The following ACSL1 variants were observed in gnomAD, a reference collection of about 807,000 sequenced individuals.
ACSL1 encodes long-chain-fatty-acid--CoA ligase 1.
A neutral mutation model predicts 98.4 loss-of-function variants in ACSL1; 41 were observed. That is an observed-to-expected ratio of 0.42 (90% CI 0.32 to 0.54). The LOEUF (loss-of-function observed/expected upper bound fraction) is 0.54. ACSL1 is among the 20% of genes least tolerant of loss of function. ACSL1 has a pLI of 0.13. For synonymous variants in ACSL1, 316 were observed against 322.7 expected (o/e 0.98, Z 0.22); for missense variants, 734 against 883.1 (o/e 0.83, Z 2.14).
intron 3 of ACSL1, among the ~76,000 whole-genome samples, chr4:184,786,090 C>T (rs923433494): frequency 3.3e-5 from 5 of 152,168 alleles, no homozygotes; most frequent in African/African-American, 4.8e-5. Context: ...TCCCACCTGA[C>T]ATCCTGAGCT....
intron 18 of ACSL1, chr4:184,758,548 ATCTT>A (rs1281972094): frequency 6.6e-6 from 1 of 152,228 alleles, no homozygotes. Flanking sequence ...GTGAGACCCT[ATCTT>A]TAAGAAAATA....
rs1468009801 is a variant in ACSL1 at position 184,765,884 on chromosome 4, A to G, written c.1359+7T>C. On this transcript the variant is annotated splice_region_variant and intron_variant, in intron 14 of 20. Transcript: ENST00000281455. Reference sequence around the variant, plus strand: ...GGGAGAATCAGGCGCCGTGACATCCACCTCACCTGACAGCCCAGGGCTGCT... The same window carrying G: ...GGGAGAATCAGGCGCCGTGACATCCGCCTCACCTGACAGCCCAGGGCTGCT... 1 of 1,611,670 alleles carries G rather than the reference A, an allele frequency of 6.2e-7. No individual in the cohort carries two copies. The highest frequency in any genetic ancestry group is 1.1e-5 in the South Asian group (1 of 90,914).
At chr4:184,772,627 G>A (rs1264467275) in intron 10 of ACSL1, among the ~76,000 whole-genome samples, 2 of 152,190 alleles carry the variant, frequency 1.3e-5, no homozygotes, top group African/African-American at 2.4e-5. Flanking sequence ...TAGCTGAAGT[G>A]CAAGGCTTTA....
Position 184,762,396 on chromosome 4 carries a change from C to T in ACSL1, c.1638+11G>A, listed in dbSNP as rs772454597. 54 of 1,603,512 alleles carry T rather than the reference C, an allele frequency of 3.4e-5. 1 individual carries two copies. In the South Asian group the frequency reaches 4.5e-4, roughly 13 times the overall value. ...CTGAACTGTTTGTGACCTGAGGAGG[C>T]GGCAACTTACTGGTAACCATTTTCC... is the stretch of plus-strand genomic sequence containing the variant. On this transcript the variant is annotated intron_variant, in intron 17 of 20. Coordinates refer to ENST00000281455, the MANE Select transcript of ACSL1 (RefSeq NM_001995.5).
rs1579821409 is a variant in ACSL1, at chr4:184,757,562, TA to T, written c.1956+72del. ...CTTTAGGTCACCCCATATGTTTATA[TA>T]ATCTACCTGTAAAAAAATCTTAATG... On this transcript the variant is annotated intron_variant, in intron 20 of 20. Coordinates refer to ENST00000281455, the MANE Select transcript of ACSL1 (RefSeq NM_001995.5). The surrounding 1 kb of genome is among the most constrained non-coding windows in gnomAD (Gnocchi z 4.5). The T allele has an allele frequency of 3.9e-5, 55 of 1,407,322 alleles. No homozygotes were observed. In the East Asian group the frequency reaches 1.3e-3, roughly 32 times the overall value. 87.2% of individuals were successfully genotyped at this position (1,407,322 alleles called of 1,614,324 possible). A position where few individuals can be genotyped will look rare whatever the true frequency, so the allele number is the denominator to read the frequency against.
At chr4:184,808,205 G>T in intron 1 of ACSL1, 1 of 672,206 alleles carries the variant, frequency 1.5e-6, no homozygotes, top group Non-Finnish European at 1.8e-6. Flanking sequence ...GACTCACAAG[G>T]ACATCATTCT....
chr4:184,804,994 T>C (rs533357501), intron 1 of ACSL1, among the ~76,000 whole-genome samples: 55 of 152,208 alleles, frequency 3.6e-4, no homozygotes, highest in African/African-American at 1.2e-3. Context: ...GAGAAAATTT[T>C]TGCAATCTGT....
chr4:184,817,122 T>A (rs578000193), intron 1 of ACSL1, among the ~76,000 whole-genome samples: 8 of 152,246 alleles, frequency 5.3e-5, no homozygotes, highest in Non-Finnish European at 7.4e-5. Flanking sequence ...CTGACTCTCC[T>A]TAAGTCACAG....
chr4:184,758,197 T>C, intron 18 of ACSL1: 1 of 369,592 alleles, frequency 2.7e-6, no homozygotes, highest in Non-Finnish European at 4.9e-6. Flanking sequence ...TATTTACTTT[T>C]ATATACTTAT....
intron 1 of ACSL1, among the ~76,000 whole-genome samples, chr4:184,807,849 C>G (rs368152677): frequency 9.8e-5 from 15 of 152,294 alleles, no homozygotes; most frequent in African/African-American, 3.6e-4. Context: ...GGACACCAAC[C>G]AATGTGACTC....
intron 1 of ACSL1, among the ~76,000 whole-genome samples, chr4:184,812,929 G>C (rs1367004879): frequency 6.6e-6 from 1 of 152,096 alleles, no homozygotes; most frequent in Non-Finnish European, 1.5e-5. Context: ...CCACGCGAGG[G>C]CTCTAGTGAG....
chr4:184,804,729 C>A (rs1771129759), intron 1 of ACSL1, among the ~76,000 whole-genome samples: 1 of 152,174 alleles, frequency 6.6e-6, no homozygotes, highest in Non-Finnish European at 1.5e-5. Flanking sequence ...AGCACCTTAT[C>A]TCGCAGGGCT....
chr4:184,825,404 C>T lies in ACSL1; in HGVS notation c.-33+512G>A, dbSNP rs1773390415. On this transcript the variant is annotated intron_variant, in intron 1 of 20. Coordinates refer to ENST00000281455, the MANE Select transcript of ACSL1 (RefSeq NM_001995.5). The surrounding 1 kb of genome is among the most constrained non-coding windows in gnomAD (Gnocchi z 4.7). Reference sequence around the variant, plus strand: ...CGGCCTCTGAGCTGCCTGTGGGCCTCGTGCCGCCGCGCTGCGTGGGGCCGG... The same window carrying T: ...CGGCCTCTGAGCTGCCTGTGGGCCTTGTGCCGCCGCGCTGCGTGGGGCCGG... 3.9e-6 allele frequency: 1 copy of T among 259,062 alleles called. No homozygotes were observed. The highest frequency in any genetic ancestry group is 6.0e-6 in the Non-Finnish European group (1 of 166,134). The allele number at this position is 259,062 out of a possible 1,614,324, so 16.0% of individuals were successfully genotyped here.
At chr4:184,794,945 C>T (rs187650088) in intron 2 of ACSL1, among the ~76,000 whole-genome samples, 6 of 151,926 alleles carry the variant, frequency 3.9e-5, no homozygotes, top group Admixed American at 2.6e-4. Context: ...TGAAGAGGGA[C>T]GGGGGTAGGG....
At chr4:184,800,670 T>C (rs574199166) in intron 2 of ACSL1, among the ~76,000 whole-genome samples, 2 of 152,330 alleles carry the variant, frequency 1.3e-5, no homozygotes, top group African/African-American at 4.8e-5. Context: ...CAGTTATGAC[T>C]GTGAGCTGCC....
chr4:184,762,091 C>T (rs571098612), intron 17 of ACSL1, among the ~76,000 whole-genome samples: 1 of 151,732 alleles, frequency 6.6e-6, no homozygotes, highest in Non-Finnish European at 1.5e-5. Flanking sequence ...CACGCCATTG[C>T]ACTCCAGCCA....
In ACSL1 at chr4:184,788,394, G is replaced by A. The variant is rs113680910; in HGVS notation, c.310+223C>T. On this transcript the variant is annotated intron_variant, in intron 3 of 20. Coordinates refer to ENST00000281455, the MANE Select transcript of ACSL1 (RefSeq NM_001995.5). ...TGTGACTCACCATAAAATACAGGAT[G>A]TGACACTCACATATTTGACCATGGA... 1.5e-3 allele frequency: 965 copies of A among 647,542 alleles called. 6 individuals carry two copies. The African/African-American group carries it at 0.016, about 10-fold the overall frequency. The allele number at this position is 647,542 out of a possible 1,614,324, so 40.1% of individuals were successfully genotyped here.
Position 184,768,195 on chromosome 4 carries a change from C to T in ACSL1, c.1128+121G>A, listed in dbSNP as rs79018050. On this transcript the variant is annotated intron_variant, in intron 12 of 20. Coordinates refer to ENST00000281455, the MANE Select transcript of ACSL1 (RefSeq NM_001995.5). The stretch of plus-strand genomic sequence containing the variant: ...CTTTACAGATGAGTAAACTGAAGTT[C>T]TGTAAGATTGGGAGGATTGTCCAGG... 3,106 of 1,082,510 alleles carry T rather than the reference C, an allele frequency of 2.9e-3. 65 individuals are homozygous for T. In the African/African-American group the frequency reaches 0.043, roughly 15 times the overall value. 67.1% of individuals were successfully genotyped at this position (1,082,510 alleles called of 1,614,324 possible). A position where few individuals can be genotyped will look rare whatever the true frequency, so the allele number is the denominator to read the frequency against.
intron 2 of ACSL1, chr4:184,798,664 G>C (rs140034172): frequency 1.3e-5 from 2 of 152,652 alleles, no homozygotes; most frequent in Non-Finnish European, 2.9e-5. Context: ...TCGGTCCAGC[G>C]AAACTGCTTC....
Sources: gnomAD v4.1 joint callset for allele counts (sites outside exome capture counted in the v4.1 genomes callset) on GRCh38, gnomAD v4.1.1 for gene constraint, Gnocchi (gnomAD v3.1) non-coding constraint, MANE v1.5 for transcripts, NCBI Gene and HGNC (gene_info 2026-07-23, HGNC 2026-07-21) for gene names.